Variants in RSRC1 observed in about 807,000 individuals in gnomAD.
RSRC1 encodes the protein serine/Arginine-related protein 53.
Under a neutral mutation model 49.1 loss-of-function variants are expected in RSRC1, and 39 were observed. That is an observed-to-expected ratio of 0.79 (90% CI 0.61 to 1.04). The LOEUF (loss-of-function observed/expected upper bound fraction) is 1.04, where lower values mean the gene tolerates loss of function less well. RSRC1 is among the 50% of genes least tolerant of loss of function. The probability of loss-of-function intolerance (pLI) is 0.00; values close to 1 mark genes in which losing one functional copy is unlikely to be tolerated. For missense variants in RSRC1, 388 were observed against 402.4 expected, an observed-to-expected ratio of 0.96 and a Z score of 0.31; for synonymous variants, 143 against 130.8, an observed-to-expected ratio of 1.09 and a Z score of -0.63.
rs377260263 is a variant in RSRC1, at chr3:158,291,187, TA to T, written c.495-6845del. Among the ~76,000 whole-genome samples, 18 of 152,284 alleles carry T rather than the reference TA, an allele frequency of 1.2e-4. No homozygotes were observed. In the East Asian group the frequency reaches 1.5e-3, roughly 13 times the overall value. On this transcript the variant is annotated intron_variant, in intron 4 of 9. Coordinates refer to ENST00000611884, the MANE Select transcript of RSRC1 (RefSeq NM_001271838.2). The stretch of plus-strand genomic sequence containing the variant: ...CCAGCCTGGGTGACAGAATGTCTCT[TA>T]AAAAAATTATTTTTAATAGTTAACT...
At chr3:158,327,824 C>G (rs1036527240) in intron 5 of RSRC1, among the ~76,000 whole-genome samples, 2 of 152,144 alleles carry the variant, frequency 1.3e-5, no homozygotes, top group Non-Finnish European at 2.9e-5. Context: ...CTAATGTTGA[C>G]AGTGGGGTGT....
At chr3:158,497,875 C>T (rs1739421030) in intron 7 of RSRC1, among the ~76,000 whole-genome samples, 1 of 152,128 alleles carries the variant, frequency 6.6e-6, no homozygotes. Context: ...GCTGCAAATG[C>T]TGTTAATTAA....
At chr3:158,362,921 C>T (rs1195465571) in intron 6 of RSRC1, among the ~76,000 whole-genome samples, 4 of 152,160 alleles carry the variant, frequency 2.6e-5, no homozygotes, top group African/African-American at 4.8e-5. Flanking sequence ...CAATATTTTA[C>T]TTTTAATAGA....
intron 5 of RSRC1, among the ~76,000 whole-genome samples, chr3:158,341,510 A>T (rs1055560063): frequency 6.6e-6 from 1 of 152,204 alleles, no homozygotes; most frequent in Non-Finnish European, 1.5e-5. Flanking sequence ...GCAGGTGCAC[A>T]GAAGTCATGA....
chr3:158,515,659 G>T (rs1209872469), intron 7 of RSRC1, among the ~76,000 whole-genome samples: 17 of 138,348 alleles, frequency 1.2e-4, no homozygotes, highest in African/African-American at 4.2e-4. Flanking sequence ...TTGCTAGATT[G>T]GGGAAGTTCT....
chr3:158,315,584 A>G (rs1045061717), intron 5 of RSRC1, among the ~76,000 whole-genome samples: 2 of 152,228 alleles, frequency 1.3e-5, no homozygotes, highest in African/African-American at 4.8e-5. Context: ...AAACAAATCT[A>G]GCTAGATTTA....
intron 5 of RSRC1, among the ~76,000 whole-genome samples, chr3:158,319,925 T>C (rs887710891): frequency 6.6e-6 from 1 of 152,178 alleles, no homozygotes; most frequent in Non-Finnish European, 1.5e-5. Context: ...TAACCCATGA[T>C]CCTCATATGT....
intron 4 of RSRC1, among the ~76,000 whole-genome samples, chr3:158,220,171 T>C (rs1161630811): frequency 4.6e-5 from 7 of 151,694 alleles, no homozygotes; most frequent in Non-Finnish European, 8.9e-5. Flanking sequence ...GAAGGGTTTG[T>C]ATCCGTGGCT....
At chr3:158,205,469 G>C (rs922224457) in intron 4 of RSRC1, among the ~76,000 whole-genome samples, 2 of 152,008 alleles carry the variant, frequency 1.3e-5, no homozygotes, top group East Asian at 1.9e-4. Flanking sequence ...TACTTGTCAG[G>C]TACTGTGTTA....
At chr3:158,243,243 G>T (rs1723699083) in intron 4 of RSRC1, among the ~76,000 whole-genome samples, 2 of 152,054 alleles carry the variant, frequency 1.3e-5, no homozygotes, top group Admixed American at 1.3e-4. Flanking sequence ...TAAAGAAGGG[G>T]TCCCATTTCA....
intron 4 of RSRC1, among the ~76,000 whole-genome samples, chr3:158,284,921 G>T (rs868373915): frequency 1.6e-4 from 25 of 151,936 alleles, no homozygotes; most frequent in East Asian, 1.2e-3. Context: ...GTCAATTTTG[G>T]CTTTTGTTGC....
At chr3:158,495,103 T>C (rs1739261063) in intron 7 of RSRC1, among the ~76,000 whole-genome samples, 1 of 152,186 alleles carries the variant, frequency 6.6e-6, no homozygotes, top group South Asian at 2.1e-4. Context: ...TTAGGGTAGC[T>C]ATGACATCAC....
At chr3:158,371,631 T>C (rs1732084117) in intron 6 of RSRC1, among the ~76,000 whole-genome samples, 1 of 151,912 alleles carries the variant, frequency 6.6e-6, no homozygotes, top group African/African-American at 2.4e-5. Context: ...ATGCTGTTGT[T>C]TCTAATTTGA....
intron 3 of RSRC1, among the ~76,000 whole-genome samples, chr3:158,182,489 A>G (rs1366606622): frequency 2.6e-5 from 4 of 152,116 alleles, no homozygotes; most frequent in Admixed American, 2.6e-4. Flanking sequence ...AAGATATCCT[A>G]CGTCTTAGGA....
Position 158,112,594 on chromosome 3 carries a change from G to A in RSRC1, c.-3+2371G>A, listed in dbSNP as rs1252838190. 2.6e-5 allele frequency among the ~76,000 whole-genome samples: 4 copies of A among 152,148 alleles called. 1 individual carries two copies. The highest frequency in any genetic ancestry group is 9.7e-5 in the African/African-American group (4 of 41,436). ...TGTAATTTTTCTGAAATGTAAATGT[G>A]TCACTTGAAATATTTATAGTTTTGT... On this transcript the variant is annotated intron_variant, in intron 1 of 9. Transcript: ENST00000611884.
intron 5 of RSRC1, among the ~76,000 whole-genome samples, chr3:158,334,908 A>G (rs1024172136): frequency 6.6e-6 from 1 of 151,952 alleles, no homozygotes; most frequent in African/African-American, 2.4e-5. Flanking sequence ...TGTTTCTTCC[A>G]TTTCCTGTTT....
chr3:158,138,702 A>G (rs1348780790), intron 3 of RSRC1, among the ~76,000 whole-genome samples: 1 of 152,222 alleles, frequency 6.6e-6, no homozygotes, highest in Non-Finnish European at 1.5e-5. Flanking sequence ...GTTATAACAA[A>G]CTATAGAAAA....
chr3:158,364,753 A>C (rs1731663721), intron 6 of RSRC1, among the ~76,000 whole-genome samples: 2 of 151,488 alleles, frequency 1.3e-5, no homozygotes. Flanking sequence ...ATCTTTACTG[A>C]TGAAACCATA....
intron 7 of RSRC1, among the ~76,000 whole-genome samples, chr3:158,502,035 C>CT (rs1412498033): frequency 6.6e-6 from 1 of 152,090 alleles, no homozygotes; most frequent in African/African-American, 2.4e-5. Flanking sequence ...TTTAGAGTTC[C>CT]TTTTAGCAGG....
Sources: allele counts gnomAD v4.1 joint callset (sites outside exome capture counted in the v4.1 genomes callset), GRCh38; gene constraint gnomAD v4.1.1; transcripts MANE v1.5; gene names NCBI Gene and HGNC (gene_info 2026-07-23, HGNC 2026-07-21).